The following KLRK1 variants were observed in gnomAD, a reference collection of about 807,000 sequenced individuals.
KLRK1 encodes the protein killer cell lectin like receptor K1, also known as NKG2-D type II integral membrane protein.
In KLRK1, 40 loss-of-function variants were observed where a neutral mutation model predicts 31.3. The ratio of observed to expected loss-of-function variants is 1.28; its 90% confidence interval spans 0.99 to 1.67. KLRK1 has a LOEUF of 1.67. KLRK1 is among the 40% of genes most tolerant of loss of function. KLRK1 has a pLI of 0.00. For synonymous variants in KLRK1, 77 were observed against 77.3 expected (o/e 1.00, Z 0.02); for missense variants, 251 against 260.0 (o/e 0.97, Z 0.24).
intron 7 of KLRK1, among the ~76,000 whole-genome samples, chr12:10,377,928 A>C (rs1055072731): frequency 3.9e-5 from 6 of 152,210 alleles, no homozygotes; most frequent in Non-Finnish European, 7.3e-5. Flanking sequence ...TATAGTAAAC[A>C]ATTTGTATTA....
chr12:10,382,558 A>G (rs1863095485), intron 3 of KLRK1, among the ~76,000 whole-genome samples: 1 of 152,210 alleles, frequency 6.6e-6, no homozygotes, highest in South Asian at 2.1e-4. Context: ...TGAATTTATT[A>G]CCACCAGACC....
intron 3 of KLRK1, among the ~76,000 whole-genome samples, chr12:10,380,154 C>T (rs2137810397): frequency 6.6e-6 from 1 of 150,734 alleles, no homozygotes; most frequent in South Asian, 2.1e-4. Flanking sequence ...CAAGCTCCAC[C>T]TCCTGGGTTC....
At chr12:10,377,333 G>A (rs549508143) in intron 7 of KLRK1, among the ~76,000 whole-genome samples, 1 of 152,264 alleles carries the variant, frequency 6.6e-6, no homozygotes, top group South Asian at 2.1e-4. Context: ...GGGAAAGAAA[G>A]ATTTCGTTAA....
At chr12:10,385,615 G>A (rs942015131) in intron 3 of KLRK1, among the ~76,000 whole-genome samples, 3 of 151,918 alleles carry the variant, frequency 2.0e-5, no homozygotes, top group African/African-American at 7.2e-5. Flanking sequence ...AAGAATAGGG[G>A]GGAGGAGAAG....
At position 10,374,397 on chromosome 12, in the gene KLRK1, C is replaced by CTTTTTTTTT. The variant is rs35414446; in HGVS notation, c.534-1175_534-1167dup. Among the ~76,000 whole-genome samples the CTTTTTTTTT allele has an allele frequency of 1.7e-3, 220 of 131,836 alleles. 4 individuals are homozygous for CTTTTTTTTT. The highest frequency in any genetic ancestry group is 6.4e-3 in the African/African-American group (211 of 32,868). 86.5% of individuals were successfully genotyped at this position (131,836 alleles called of 152,430 possible). ...CTTTTTTTCTTTCTTTCCTCTCTCT[C>CTTTTTTTTT]TTTTTTTTTTTTTTGACAGTGTTTT... On this transcript the variant is annotated intron_variant, in intron 7 of 7. Coordinates refer to ENST00000240618, the MANE Select transcript of KLRK1 (RefSeq NM_007360.4).
In KLRK1 at chr12:10,378,143, G is replaced by A. The variant is rs747609502; in HGVS notation, c.522C>T (p.Leu174=). Residue 174 remains leucine (L), a synonymous_variant, in exon 7 of 8, where the codon CTC becomes CTT. Transcript: ENST00000240618. ...GSWQWEDGSI[L]SPNLLTIIEM... Reference sequence around the variant, plus strand: ...GGTCAGAGACTTACAGGTTGGGTGAGAGAATGGAGCCATCTTCCCACTGCC... The same window carrying A: ...GGTCAGAGACTTACAGGTTGGGTGAAAGAATGGAGCCATCTTCCCACTGCC... The A allele has an allele frequency of 1.2e-5, 20 of 1,614,020 alleles. No homozygotes were observed. Among genetic ancestry groups the A allele is most frequent in the Non-Finnish European group, 1.7e-5 (20 of 1,179,936 alleles).
At chr12:10,376,635 TAAG>T (rs148999215) in intron 7 of KLRK1, among the ~76,000 whole-genome samples, 2,543 of 152,064 alleles carry the variant, frequency 0.017, 61 homozygotes, top group African/African-American at 0.059. Context: ...TAACCTACTA[TAAG>T]AAGACAGTAA....
In KLRK1 at chr12:10,372,947, T is replaced by C. The variant is rs925882383; in HGVS notation, c.*167A>G. 2 of 606,876 alleles carry C rather than the reference T, an allele frequency of 3.3e-6. No individual in the cohort carries two copies. The highest frequency in any genetic ancestry group is 5.7e-6 in the Non-Finnish European group (2 of 352,488). 37.6% of individuals were successfully genotyped at this position (606,876 alleles called of 1,614,324 possible). A position where few individuals can be genotyped will look rare whatever the true frequency, so the allele number is the denominator to read the frequency against. On this transcript the variant is annotated 3_prime_UTR_variant, in exon 8 of 8. Coordinates refer to ENST00000240618, the MANE Select transcript of KLRK1 (RefSeq NM_007360.4). ...TTTTGTCTTGGAGAATCATGCATGT[T>C]TGCAGTGAAATTGTTCTATGGTTTG...
intron 4 of KLRK1, 94 bp downstream of exon 4, chr12:10,379,606 G>T: frequency 7.3e-7 from 1 of 1,361,846 alleles, no homozygotes; most frequent in Non-Finnish European, 1.0e-6. Flanking sequence ...AATATTTCTA[G>T]TTTATGTGTC....
chr12:10,377,180 C>G (rs540889146), intron 7 of KLRK1, among the ~76,000 whole-genome samples: 4 of 152,166 alleles, frequency 2.6e-5, no homozygotes, highest in African/African-American at 9.7e-5. Context: ...ACTTCTCTGT[C>G]AGATTTTCTC....
intron 3 of KLRK1, among the ~76,000 whole-genome samples, chr12:10,380,059 G>GTTTTT (rs1162094591): frequency 4.4e-4 from 37 of 83,766 alleles, no homozygotes; most frequent in African/African-American, 7.4e-4. Context: ...TGTTGTTATT[G>GTTTTT]TTTTTTTTTT....
intron 3 of KLRK1, among the ~76,000 whole-genome samples, chr12:10,384,701 G>A (rs1160367099): frequency 6.6e-6 from 1 of 151,918 alleles, no homozygotes; most frequent in African/African-American, 2.4e-5. Context: ...GATTTTATGG[G>A]TAAGAATTCA....
chr12:10,386,853 A>T, intron 3 of KLRK1, 50 bp downstream of exon 3: 1 of 1,447,784 alleles, frequency 6.9e-7, no homozygotes, highest in Non-Finnish European at 9.3e-7. Flanking sequence ...CATAGTTTCC[A>T]AGATTCATTT....
intron 7 of KLRK1, among the ~76,000 whole-genome samples, chr12:10,375,364 TTAAG>T (rs901247075): frequency 2.8e-4 from 43 of 152,314 alleles, no homozygotes; most frequent in African/African-American, 9.1e-4. Context: ...ATTTTGTAAC[TTAAG>T]TGAGTTATTT....
At chr12:10,374,819 G>A (rs1259546727) in intron 7 of KLRK1, among the ~76,000 whole-genome samples, 1 of 152,124 alleles carries the variant, frequency 6.6e-6, no homozygotes, top group Non-Finnish European at 1.5e-5. Flanking sequence ...TCTGACTAGA[G>A]TTTGAAGCTC....
At chr12:10,375,975 C>T (rs1441960747) in intron 7 of KLRK1, among the ~76,000 whole-genome samples, 1 of 152,026 alleles carries the variant, frequency 6.6e-6, no homozygotes, top group African/African-American at 2.4e-5. Flanking sequence ...TCACCGGACA[C>T]AGAAATGGAG....
chr12:10,380,451 C>A (rs1863054526), intron 3 of KLRK1, among the ~76,000 whole-genome samples: 1 of 152,184 alleles, frequency 6.6e-6, no homozygotes, highest in Non-Finnish European at 1.5e-5. Context: ...GCACCCAGCA[C>A]TCACTTCCAC....
chr12:10,374,398 T>TC (rs1491464808), intron 7 of KLRK1, among the ~76,000 whole-genome samples: 1 of 15,926 alleles, frequency 6.3e-5, no homozygotes, highest in South Asian at 1.1e-3. Flanking sequence ...CCTCTCTCTC[T>TC]TTTTTTTTTT....
chr12:10,376,131 A>ACTTAGTGCTAACATAGGGT (rs1295320997), intron 7 of KLRK1, among the ~76,000 whole-genome samples: 3 of 152,214 alleles, frequency 2.0e-5, no homozygotes, highest in Non-Finnish European at 2.9e-5. Context: ...GGTAAACAAT[A>ACTTAGTGCTAACATAGGGT]CTTAGTGCTA....
Sources: gnomAD v4.1 joint callset for allele counts (sites outside exome capture counted in the v4.1 genomes callset) on GRCh38, gnomAD v4.1.1 for gene constraint, MANE v1.5 for transcripts, NCBI Gene and HGNC (gene_info 2026-07-23, HGNC 2026-07-21) for gene names.